DCAF6: variants seen among roughly 807,000 people sequenced by gnomAD.
DCAF6 encodes the protein DDB1- and CUL4-associated factor 6.
DCAF6 carries 54 observed loss-of-function variants against 125.1 expected under a neutral mutation model. That is an observed-to-expected ratio of 0.43 (90% confidence interval 0.35 to 0.54). The LOEUF is 0.54. Among genes scored for constraint, DCAF6 ranks in the 20% least tolerant of loss-of-function variants. The probability of loss-of-function intolerance (pLI) is 0.01; values close to 1 mark genes in which losing one functional copy is unlikely to be tolerated. For missense variants in DCAF6, 934 were observed against 1,161.7 expected (o/e 0.80, Z 2.85); for synonymous variants, 371 against 390.4 (o/e 0.95, Z 0.58).
chr1:168,074,858 T>A (rs1293436904), intron 21 of DCAF6, among the ~76,000 whole-genome samples: 1 of 152,222 alleles, frequency 6.6e-6, no homozygotes, highest in Admixed American at 6.5e-5. Context: ...AAGTTTATAT[T>A]CACTTGAGTA....
At chr1:168,060,063 A>C (rs939795132) in intron 17 of DCAF6, among the ~76,000 whole-genome samples, 6 of 152,186 alleles carry the variant, frequency 3.9e-5, no homozygotes, top group African/African-American at 1.2e-4. Context: ...CATTCCTTTT[A>C]AAATTTAGGC....
At chr1:167,905,232 A>G in the DCAF6 span, 1 of 1,401,778 alleles carries the variant, frequency 7.1e-7, no homozygotes, top group South Asian at 1.2e-5. Flanking sequence ...GAAATCTGAT[A>G]TATTCATTTG....
At chr1:167,867,108 G>A in the DCAF6 span, among the ~76,000 whole-genome samples, 2 of 152,214 alleles carry the variant, frequency 1.3e-5, no homozygotes, top group South Asian at 2.1e-4. Flanking sequence ...CCTAAACCCC[G>A]CCACCTTGCT....
intron 12 of DCAF6, among the ~76,000 whole-genome samples, chr1:168,031,493 G>A (rs1376493788): frequency 1.3e-5 from 2 of 152,124 alleles, no homozygotes; most frequent in African/African-American, 2.4e-5. Context: ...ACATAGGCCA[G>A]ATTTTAGAGC....
rs766387347 is a variant in DCAF6 at position 167,991,327 on chromosome 1, A to C, written c.676A>C (p.Thr226Pro). The change falls in exon 6 of 22, where the codon ACA (threonine) becomes CCA (proline). Residue 226 changes from threonine (T) to proline (P), a missense_variant. By Grantham distance (38) the Thr-to-Pro change is conservative. This residue lies in a region of DCAF6 where 309 missense variants were observed against 381.2 expected (regional missense o/e 0.81). Transcript: ENST00000367840. ...VRIYDRRMLG[T>P]RATGNYAGRG... ...AATATATGATCGGCGAATGCTGGGC[A>C]CAAGAGCTACAGGTAAGAAGATAAT... 1.2e-6 allele frequency: 2 copies of C among 1,611,666 alleles called. No individual in the cohort carries two copies. Among genetic ancestry groups the C allele is most frequent in the Admixed American group, 1.7e-5 (1 of 59,710 alleles).
intron 10 of DCAF6, among the ~76,000 whole-genome samples, chr1:168,009,232 T>C (rs1353298041): frequency 6.6e-6 from 1 of 151,786 alleles, no homozygotes; most frequent in Admixed American, 6.6e-5. Context: ...TCTCCTGACC[T>C]TGTGATCCGC....
intron 12 of DCAF6, among the ~76,000 whole-genome samples, chr1:168,034,884 T>A (rs60775715): frequency 0.032 from 4,901 of 152,268 alleles, 194 homozygotes; most frequent in African/African-American, 0.094. Flanking sequence ...TTGGGAACAT[T>A]TAAATAGTTA....
At chr1:167,899,643 A>G in the DCAF6 span, 1 of 1,613,096 alleles carries the variant, frequency 6.2e-7, no homozygotes, top group Non-Finnish European at 8.5e-7. Context: ...CAAGAAGGCA[A>G]GGAATAGGTT....
intron 20 of DCAF6, 90 bp from the exon 21 acceptor site, chr1:168,068,268 A>G (rs1437635701): frequency 7.4e-6 from 6 of 809,528 alleles, no homozygotes; most frequent in Admixed American, 2.1e-5. Context: ...TCCTCCTGGT[A>G]CTGGCTGATT....
intron 2 of DCAF6, among the ~76,000 whole-genome samples, chr1:167,954,629 T>C (rs1465069680): frequency 2.6e-5 from 4 of 151,890 alleles, no homozygotes; most frequent in Non-Finnish European, 4.4e-5. Context: ...ATTTTTGGTA[T>C]TTTTAGTAGA....
chr1:167,905,201 A>G, the DCAF6 span: 1 of 1,577,222 alleles, frequency 6.3e-7, no homozygotes, highest in Non-Finnish European at 8.7e-7. Context: ...TAGGTCTTCT[A>G]AAAAGAAAAT....
intron 14 of DCAF6, among the ~76,000 whole-genome samples, chr1:168,044,063 T>G (rs1249129361): frequency 1.3e-5 from 2 of 152,136 alleles, no homozygotes; most frequent in Non-Finnish European, 2.9e-5. Context: ...ATTCCTGGGC[T>G]TCAGGAAGAA....
the DCAF6 span, among the ~76,000 whole-genome samples, chr1:167,888,887 AAAAG>A: frequency 1.3e-5 from 2 of 151,326 alleles, no homozygotes; most frequent in African/African-American, 2.4e-5. Flanking sequence ...AAAAAAAAAA[AAAAG>A]AAAAAGAAAG....
intron 3 of DCAF6, among the ~76,000 whole-genome samples, chr1:167,970,646 T>A (rs1677174595): frequency 6.6e-6 from 1 of 152,150 alleles, no homozygotes; most frequent in African/African-American, 2.4e-5. Flanking sequence ...ATTATTATCA[T>A]AAGCCTTTAT....
rs763894032 is a variant in DCAF6, at chr1:167,993,393, A to G, written c.856A>G (p.Thr286Ala). 3 of 1,613,952 alleles carry G rather than the reference A, an allele frequency of 1.9e-6. No individual in the cohort carries two copies. The East Asian group carries it at 6.7e-5, about 36-fold the overall frequency. The change falls in exon 7 of 22, where the codon ACA becomes GCA. Residue 286 changes from threonine (T) to alanine (A), a missense_variant. By Grantham distance (58) the Thr-to-Ala change is moderately conservative. Around this residue, in one of 5 missense-constraint regions of DCAF6, gnomAD observed 309 missense variants for 381.2 expected, o/e 0.81. Transcript: ENST00000367840. Reference protein sequence around the residue: ...YIYLFDPKDDTARELKTPSAE... With the variant: ...YIYLFDPKDDAARELKTPSAE... ...ATATCTTTTTGACCCGAAAGATGAT[A>G]CAGCACGAGAACTTAAAACTCCTTC...
chr1:167,991,729 A>G (rs1025725612), intron 6 of DCAF6, among the ~76,000 whole-genome samples: 4 of 151,996 alleles, frequency 2.6e-5, no homozygotes, highest in Non-Finnish European at 4.4e-5. Flanking sequence ...GTTGCTGCCA[A>G]TCCTTGGCAT....
the DCAF6 span, chr1:167,917,033 A>C: frequency 5.9e-5 from 9 of 152,214 alleles, no homozygotes; most frequent in Non-Finnish European, 1.3e-4. Context: ...TTACTCAAAA[A>C]GTTGTTTTGT....
At chr1:168,017,136 T>C (rs1190717014) in intron 11 of DCAF6, among the ~76,000 whole-genome samples, 5 of 151,764 alleles carry the variant, frequency 3.3e-5, no homozygotes. Flanking sequence ...TTTTTTTTTT[T>C]CCTATGGGGA....
chr1:167,910,938 T>C, the DCAF6 span, among the ~76,000 whole-genome samples: 5 of 152,254 alleles, frequency 3.3e-5, no homozygotes, highest in African/African-American at 1.2e-4. Flanking sequence ...ATAAATATAT[T>C]CCAAACATTG....
Sources: gnomAD v4.1 joint callset for allele counts (sites outside exome capture counted in the v4.1 genomes callset) on GRCh38, gnomAD v4.1.1 for gene constraint, gnomAD v4.1.1 regional missense constraint, MANE v1.5 for transcripts, NCBI Gene and HGNC (gene_info 2026-07-23, HGNC 2026-07-21) for gene names.